Variants in ANKRD36C observed in about 807,000 individuals in gnomAD.
ANKRD36C encodes ankyrin repeat domain 36C, also known as ankyrin repeat domain-containing protein 36C.
A neutral mutation model predicts 276.4 loss-of-function variants in ANKRD36C; 61 were observed. That is an observed-to-expected ratio of 0.22 (90% CI 0.18 to 0.27). The LOEUF (loss-of-function observed/expected upper bound fraction) is 0.27. ANKRD36C is among the 10% of genes least tolerant of loss of function. The pLI is 1.00. For synonymous variants in ANKRD36C, 483 were observed against 680.1 expected, an observed-to-expected ratio of 0.71 and a Z score of 4.51; for missense variants, 1,447 against 2,032.3, an observed-to-expected ratio of 0.71 and a Z score of 5.54.
At position 95,891,821 on chromosome 2, in the gene ANKRD36C, A is replaced by G. The variant is rs755879351; in HGVS notation, c.2784+11T>C. 1.0e-5 allele frequency: 16 copies of G among 1,559,800 alleles called. No individual in the cohort carries two copies. Among genetic ancestry groups the G allele is most frequent in the Non-Finnish European group, 1.4e-5 (16 of 1,152,142 alleles). On this transcript the variant is annotated intron_variant, in intron 45 of 66. Transcript: ENST00000456556. ...TTTACTAGTTCACAATATAAATGAC[A>G]GTTTCATTACCTTCAAGCCTGATGG...
exon 63 of ANKRD36C, chr2:95,856,008 A>T (rs1403110520): frequency 1.2e-6 from 2 of 1,612,390 alleles, no homozygotes; most frequent in African/African-American, 2.7e-5. Context: ...ATTCCGTTTT[A>T]GAGCCTTTTG....
At chr2:95,984,668 A>G (rs891264444) in intron 3 of ANKRD36C, among the ~76,000 whole-genome samples, 5 of 152,130 alleles carry the variant, frequency 3.3e-5, no homozygotes, top group Non-Finnish European at 5.9e-5. Context: ...TACAACATTC[A>G]TTCATTTATA....
At chr2:95,942,302 A>G (rs1177646936) in intron 19 of ANKRD36C, among the ~76,000 whole-genome samples, 1 of 152,288 alleles carries the variant, frequency 6.6e-6, no homozygotes, top group Non-Finnish European at 1.5e-5. Context: ...AATTTCAATT[A>G]TATATTTCTA....
chr2:95,983,362 C>A (rs978449887), intron 3 of ANKRD36C, among the ~76,000 whole-genome samples: 1 of 151,130 alleles, frequency 6.6e-6, no homozygotes, highest in Non-Finnish European at 1.5e-5. Flanking sequence ...ATCTTAGGAC[C>A]CTGATGCAAA....
At chr2:95,881,263 T>C (rs1676071548) in intron 56 of ANKRD36C, among the ~76,000 whole-genome samples, 1 of 152,248 alleles carries the variant, frequency 6.6e-6, no homozygotes, top group East Asian at 1.9e-4. Context: ...CTTCAGAAAC[T>C]TTCTTCATCC....
intron 20 of ANKRD36C, 96 bp from the exon 21 acceptor site, chr2:95,939,111 C>T (rs1038495980): frequency 4.1e-4 from 605 of 1,470,390 alleles, no homozygotes; most frequent in Non-Finnish European, 5.3e-4. Context: ...AATCTTCGTG[C>T]TTGCCCTTGA....
In ANKRD36C at chr2:95,919,640, C is replaced by G. The variant is rs1448736662; in HGVS notation, c.2246-1598G>C. On this transcript the variant is annotated intron_variant, in intron 34 of 66. Coordinates refer to ENST00000456556, the Ensembl canonical transcript of ANKRD36C. ...GAATCAGAATGTGCAGCTTCGGCGA[C>G]TCCCCCCACCCACCCTCCGCTGATT... is the stretch of plus-strand genomic sequence containing the variant. 29 of 623,836 alleles carry G rather than the reference C, an allele frequency of 4.6e-5. 3 individuals are homozygous for G. The highest frequency in any genetic ancestry group is 1.9e-4 in the East Asian group (1 of 5,220). 38.6% of individuals were successfully genotyped at this position (623,836 alleles called of 1,614,324 possible). A position where few individuals can be genotyped will look rare whatever the true frequency, so the allele number is the denominator to read the frequency against.
intron 24 of ANKRD36C, among the ~76,000 whole-genome samples, chr2:95,931,105 A>C (rs75107236): frequency 1.3e-5 from 2 of 151,752 alleles, no homozygotes; most frequent in Non-Finnish European, 3.0e-5. Context: ...CCTCCACATT[A>C]GTTTCTTCAT....
intron 36 of ANKRD36C, among the ~76,000 whole-genome samples, chr2:95,916,394 T>C (rs555742029): frequency 6.6e-6 from 1 of 151,564 alleles, no homozygotes; most frequent in Non-Finnish European, 1.5e-5. Flanking sequence ...CATGGTATGA[T>C]TTGTCATGTG....
At chr2:95,941,644 G>A (rs930835049) in intron 19 of ANKRD36C, among the ~76,000 whole-genome samples, 4 of 152,304 alleles carry the variant, frequency 2.6e-5, no homozygotes, top group African/African-American at 9.6e-5. Context: ...CAGAGAAAGT[G>A]GAGTGGAGAG....
At chr2:95,857,317 A>C (rs2104253342) in exon 62 of ANKRD36C, 1 of 1,585,894 alleles carries the variant, frequency 6.3e-7, no homozygotes, top group East Asian at 2.2e-5. Flanking sequence ...ACCTGATTTG[A>C]ATTATTTCCT....
intron 44 of ANKRD36C, among the ~76,000 whole-genome samples, chr2:95,895,814 T>G (rs1350142669): frequency 2.0e-5 from 3 of 150,968 alleles, no homozygotes; most frequent in Non-Finnish European, 4.4e-5. Context: ...ATGGTATGAT[T>G]TGTCATGTGT....
downstream of ANKRD36C, among the ~76,000 whole-genome samples, chr2:95,849,435 GC>G (rs1675240173): frequency 6.6e-6 from 1 of 152,186 alleles, no homozygotes; most frequent in African/African-American, 2.4e-5. Context: ...TAGTGCAGAA[GC>G]TATAGAGCAG....
chr2:95,871,551 A>T (rs1675812590), intron 59 of ANKRD36C, among the ~76,000 whole-genome samples: 1 of 152,236 alleles, frequency 6.6e-6, no homozygotes, highest in African/African-American at 2.4e-5. Flanking sequence ...GGTACCAGCC[A>T]CTGCAAAATC....
At chr2:95,902,046 G>T (rs991014215) in intron 42 of ANKRD36C, among the ~76,000 whole-genome samples, 1 of 146,634 alleles carries the variant, frequency 6.8e-6, no homozygotes, top group African/African-American at 2.5e-5. Flanking sequence ...CATCATTCTT[G>T]TGTCTAAAAT....
chr2:95,859,371 T>C (rs1027699883), intron 61 of ANKRD36C, among the ~76,000 whole-genome samples: 3 of 152,160 alleles, frequency 2.0e-5, no homozygotes, highest in African/African-American at 7.2e-5. Flanking sequence ...AAGAAAAATA[T>C]CTGTTTTATA....
chr2:95,989,771 T>C (rs1679100095), intron 1 of ANKRD36C, among the ~76,000 whole-genome samples: 1 of 152,216 alleles, frequency 6.6e-6, no homozygotes. Flanking sequence ...AACAGCAGTA[T>C]ATGTACTGCT....
chr2:95,915,980 C>T (rs565348588), exon 38 of ANKRD36C: 1 of 1,547,552 alleles, frequency 6.5e-7, no homozygotes, highest in Non-Finnish European at 8.7e-7. Context: ...GCAAAATTAC[C>T]TGTCCTAGAT....
intron 60 of ANKRD36C, among the ~76,000 whole-genome samples, chr2:95,866,266 G>T (rs1427457701): frequency 2.0e-5 from 3 of 152,180 alleles, no homozygotes; most frequent in Non-Finnish European, 4.4e-5. Flanking sequence ...TGCAAAATCT[G>T]TAATTCAACA....
Sources: allele counts gnomAD v4.1 joint callset (sites outside exome capture counted in the v4.1 genomes callset), GRCh38; gene constraint gnomAD v4.1.1; transcripts MANE v1.5; gene names NCBI Gene and HGNC (gene_info 2026-07-23, HGNC 2026-07-21).